MBTPS1: variants seen among roughly 807,000 people sequenced by gnomAD.
The protein encoded by MBTPS1 is membrane-bound transcription factor site-1 protease.
MBTPS1 carries 94 observed loss-of-function variants against 127.8 expected under a neutral mutation model. The ratio of observed to expected loss-of-function variants is 0.74; its 90% confidence interval spans 0.62 to 0.87. The LOEUF (loss-of-function observed/expected upper bound fraction) is 0.87, where lower values mean the gene tolerates loss of function less well. Among genes scored for constraint, MBTPS1 ranks in the 40% least tolerant of loss-of-function variants. The probability of loss-of-function intolerance (pLI) is 0.00; values close to 1 mark genes in which losing one functional copy is unlikely to be tolerated. For missense variants in MBTPS1, 1,636 were observed against 1,353.2 expected, an observed-to-expected ratio of 1.21 and a Z score of -3.28; for synonymous variants, 632 against 509.4, an observed-to-expected ratio of 1.24 and a Z score of -3.24.
intron 8 of MBTPS1, 45 bp from the exon 9 acceptor site, chr16:84,087,505 A>G: frequency 8.0e-7 from 1 of 1,257,370 alleles, no homozygotes; most frequent in Non-Finnish European, 1.1e-6. Context: ...AAAAAGAAAA[A>G]AACAAGAGAA....
rs532832756 is a variant in MBTPS1 at position 84,091,744 on chromosome 16, C to T, written c.951G>A (p.Pro317=). The part of the protein sequence containing the change: ...SIGGPDFMDH[P]FVDKVWELTA... ...TGACTCCACAAACCTTGTCAACAAA[C>T]GGATGATCCATGAAGTCCGGGCCGC... Residue 317 remains proline (P), a synonymous_variant, in exon 7 of 23, where the codon CCG becomes CCA. Coordinates refer to ENST00000343411, the MANE Select transcript of MBTPS1 (RefSeq NM_003791.4). The T allele has an allele frequency of 4.6e-5, 75 of 1,613,026 alleles. 1 individual carries two copies. In the South Asian group the frequency reaches 5.6e-4, roughly 12 times the overall value.
intron 14 of MBTPS1, 49 bp from the exon 15 acceptor site, chr16:84,068,503 A>G (rs1567477557): frequency 1.5e-6 from 2 of 1,297,210 alleles, no homozygotes; most frequent in Non-Finnish European, 2.2e-6. Flanking sequence ...TTTACTGGCA[A>G]TAAAGGCATA....
At position 84,066,552 on chromosome 16, in the gene MBTPS1, C is replaced by G. The variant is rs1234074167; in HGVS notation, c.2290G>C (p.Val764Leu). 5.6e-6 allele frequency: 9 copies of G among 1,614,068 alleles called. No homozygotes were observed. The highest frequency in any genetic ancestry group is 6.8e-6 in the Non-Finnish European group (8 of 1,180,036). ...CCATCGCTGAACCCCATGTTCCACA[C>G]AGACAGCAGCTCATTCAGAGCTGGG... ...NIPALNELLS[V>L]WNMGFSDGLY... is the part of the protein sequence containing the mutation. The change falls in exon 17 of 23, where the codon GTG becomes CTG. Residue 764 changes from valine to leucine, a missense_variant. Coordinates refer to ENST00000343411, the MANE Select transcript of MBTPS1 (RefSeq NM_003791.4).
chr16:84,103,537 C>T (rs1456440346), intron 1 of MBTPS1, among the ~76,000 whole-genome samples: 3 of 152,022 alleles, frequency 2.0e-5, no homozygotes, highest in Non-Finnish European at 2.9e-5. Flanking sequence ...CAGACAAGAG[C>T]CGCCATGTCC....
At chr16:84,094,005 A>G (rs1335690978) in intron 4 of MBTPS1, among the ~76,000 whole-genome samples, 184 bp from the exon 5 acceptor site, 1 of 152,186 alleles carries the variant, frequency 6.6e-6, no homozygotes, top group Non-Finnish European at 1.5e-5. Context: ...CAAGGCTAAG[A>G]AAAGAGGACA....
At chr16:84,102,838 T>C (rs1037861577) in intron 1 of MBTPS1, among the ~76,000 whole-genome samples, 1 of 152,242 alleles carries the variant, frequency 6.6e-6, no homozygotes, top group African/African-American at 2.4e-5. Flanking sequence ...TGAAATATTT[T>C]CTACCAATTC....
intron 15 of MBTPS1, 124 bp downstream of exon 15, chr16:84,068,215 T>G (rs1454228517): frequency 2.8e-6 from 2 of 708,826 alleles, no homozygotes; most frequent in African/African-American, 3.5e-5. Flanking sequence ...CACCCAGCTG[T>G]GGGGCCCACG....
chr16:84,080,527 G>T (rs1383518472), intron 11 of MBTPS1, among the ~76,000 whole-genome samples: 2 of 152,246 alleles, frequency 1.3e-5, no homozygotes, highest in African/African-American at 4.8e-5. Context: ...GGTCTCCTCT[G>T]CAGGACACTG....
intron 1 of MBTPS1, among the ~76,000 whole-genome samples, chr16:84,103,587 G>C (rs2086286385): frequency 6.6e-6 from 1 of 152,128 alleles, no homozygotes; most frequent in African/African-American, 2.4e-5. Context: ...TTAAGGACAA[G>C]GAGTTAAGTC....
At chr16:84,114,241 G>A (rs60350150) in intron 1 of MBTPS1, among the ~76,000 whole-genome samples, 34,832 of 152,018 alleles carry the variant, frequency 0.23, 4,273 homozygotes, top group Non-Finnish European at 0.28. Flanking sequence ...GATTACAGGC[G>A]TGAGCCATCA....
intron 16 of MBTPS1, 126 bp downstream of exon 16, chr16:84,067,541 G>T: frequency 1.3e-6 from 1 of 744,950 alleles, no homozygotes; most frequent in Non-Finnish European, 2.2e-6. Context: ...TTCTAATCAA[G>T]CTCTCTGAAT....
rs1017478832 is a variant in MBTPS1, at chr16:84,087,296, G to A, written c.1134+62C>T. On this transcript the variant is annotated intron_variant, in intron 9 of 22. Coordinates refer to ENST00000343411, the MANE Select transcript of MBTPS1 (RefSeq NM_003791.4). ...TACACCCCAAGGCTCGTCAACAACC[G>A]GTGCCACTAGCCACAGTAGTTTGTC... The A allele has an allele frequency of 2.8e-5, 36 of 1,286,784 alleles. No homozygotes were observed. The East Asian group carries it at 6.0e-4, about 21-fold the overall frequency. 79.7% of individuals were successfully genotyped at this position (1,286,784 alleles called of 1,614,324 possible).
chr16:84,109,440 G>T (rs1036964295), intron 1 of MBTPS1: 3 of 152,112 alleles, frequency 2.0e-5, no homozygotes, highest in African/African-American at 7.2e-5. Context: ...CTTTTCAAAG[G>T]GAAAAGTCAT....
intron 19 of MBTPS1, among the ~76,000 whole-genome samples, chr16:84,063,001 C>T (rs1048267035): frequency 2.0e-5 from 3 of 152,254 alleles, no homozygotes; most frequent in African/African-American, 7.2e-5. Context: ...CCAAGGAAGT[C>T]AGGGAAGGGA....
chr16:84,058,685 A>G (rs2085558108), intron 21 of MBTPS1, among the ~76,000 whole-genome samples: 1 of 152,244 alleles, frequency 6.6e-6, no homozygotes, highest in Non-Finnish European at 1.5e-5. Context: ...GGGAAACAGC[A>G]GGTCCACCTC....
intron 11 of MBTPS1, 79 bp from the exon 12 acceptor site, chr16:84,074,820 T>A: frequency 7.4e-7 from 1 of 1,348,290 alleles, no homozygotes; most frequent in Non-Finnish European, 1.0e-6. Flanking sequence ...AAGACAGAGT[T>A]AACAAAGCAG....
At chr16:84,116,669 G>C (rs1474535709) in intron 1 of MBTPS1, 66 bp downstream of exon 1, 1 of 151,948 alleles carries the variant, frequency 6.6e-6, no homozygotes, top group Non-Finnish European at 1.5e-5. Context: ...CGGCACACCT[G>C]AGCGAGCGGG....
chr16:84,070,062 G>C lies in MBTPS1; in HGVS notation c.1783-24C>G, dbSNP rs776804732. Reference sequence around the variant, plus strand: ...GACTAAAAAAAAAGAAAAGAAACTTGAAACGCCCTCATTGTGCAGAAAGAA... The same window carrying C: ...GACTAAAAAAAAAGAAAAGAAACTTCAAACGCCCTCATTGTGCAGAAAGAA... On this transcript the variant is annotated intron_variant, in intron 13 of 22. Coordinates refer to ENST00000343411, the MANE Select transcript of MBTPS1 (RefSeq NM_003791.4). The C allele has an allele frequency of 6.5e-6, 10 of 1,549,232 alleles. No homozygotes were observed. In the African/African-American group the frequency reaches 9.7e-5, roughly 15 times the overall value.
intron 11 of MBTPS1, among the ~76,000 whole-genome samples, chr16:84,076,086 G>C (rs1298586753): frequency 6.6e-6 from 1 of 152,100 alleles, no homozygotes; most frequent in African/African-American, 2.4e-5. Flanking sequence ...AAACAAAATA[G>C]CAAGACCAGT....
Sources: gnomAD v4.1 joint callset for allele counts (sites outside exome capture counted in the v4.1 genomes callset) on GRCh38, gnomAD v4.1.1 for gene constraint, MANE v1.5 for transcripts, NCBI Gene and HGNC (gene_info 2026-07-23, HGNC 2026-07-21) for gene names.